The following THSD4 variants were observed in gnomAD, a reference collection of about 807,000 sequenced individuals.
THSD4 encodes the protein thrombospondin type-1 domain-containing protein 4.
THSD4 carries 69 observed loss-of-function variants against 119.0 expected under a neutral mutation model. That is an observed-to-expected ratio of 0.58 (90% CI 0.48 to 0.71). The LOEUF is 0.71. Among genes scored for constraint, THSD4 ranks in the 30% least tolerant of loss-of-function variants. THSD4 has a pLI of 0.00. For missense variants in THSD4, 1,393 were observed against 1,391.1 expected, an observed-to-expected ratio of 1.00 and a Z score of -0.02; for synonymous variants, 524 against 540.4, an observed-to-expected ratio of 0.97 and a Z score of 0.42.
At chr15:71,245,375 C>T (rs1197870048) in intron 5 of THSD4, among the ~76,000 whole-genome samples, 1 of 152,124 alleles carries the variant, frequency 6.6e-6, no homozygotes, top group Non-Finnish European at 1.5e-5. Flanking sequence ...TTGGGCCACA[C>T]CCCCATGATC....
chr15:71,199,671 GGAGGGTGT>G (rs1436616285), intron 3 of THSD4, among the ~76,000 whole-genome samples: 28 of 11,750 alleles, frequency 2.4e-3, no homozygotes, highest in South Asian at 0.013. Flanking sequence ...ATGCATGTGT[GGAGGGTGT>G]GTGTGTGTGT....
At chr15:71,410,632 G>A (rs573919699) in intron 6 of THSD4, among the ~76,000 whole-genome samples, 12 of 152,284 alleles carry the variant, frequency 7.9e-5, no homozygotes, top group Non-Finnish European at 1.3e-4. Flanking sequence ...AACCTAGAGT[G>A]ACAGAGAAGC....
chr15:71,216,793 G>C (rs1352711437), intron 4 of THSD4, among the ~76,000 whole-genome samples: 1 of 152,220 alleles, frequency 6.6e-6, no homozygotes, highest in Non-Finnish European at 1.5e-5. Flanking sequence ...TAATAGCATA[G>C]CTCCATAGTC....
At chr15:71,571,609 C>T (rs944792338) in intron 7 of THSD4, among the ~76,000 whole-genome samples, 10 of 152,174 alleles carry the variant, frequency 6.6e-5, no homozygotes, top group African/African-American at 2.4e-4. Flanking sequence ...CCCTAGAACA[C>T]ATTTTGAGTA....
At chr15:71,206,664 C>T (rs1567157192) in intron 3 of THSD4, among the ~76,000 whole-genome samples, 1 of 152,164 alleles carries the variant, frequency 6.6e-6, no homozygotes, top group Non-Finnish European at 1.5e-5. Flanking sequence ...CACATTAGTA[C>T]AGAAACCAAA....
chr15:71,386,067 C>T (rs756142535), intron 6 of THSD4, among the ~76,000 whole-genome samples: 5 of 152,136 alleles, frequency 3.3e-5, no homozygotes, highest in Non-Finnish European at 7.4e-5. Context: ...CTCATAGGCA[C>T]CAGTATTTCC....
intron 7 of THSD4, among the ~76,000 whole-genome samples, chr15:71,489,048 CA>C (rs1376109975): frequency 6.6e-6 from 1 of 152,180 alleles, no homozygotes; most frequent in South Asian, 2.1e-4. Context: ...CTTCTCCCAT[CA>C]CCTTTCTGTT....
At position 71,442,656 on chromosome 15, in the gene THSD4, GTGTGTATATATA is replaced by G. The variant is rs2047120449; in HGVS notation, c.1152+30835_1152+30846del. 2.9e-4 allele frequency among the ~76,000 whole-genome samples: 9 copies of G among 30,640 alleles called. 1 individual carries two copies. The highest frequency in any genetic ancestry group is 8.3e-4 in the African/African-American group (9 of 10,844). The allele number at this position is 30,640 out of a possible 152,430, so 20.1% of individuals were successfully genotyped here. On this transcript the variant is annotated intron_variant, in intron 7 of 17. Coordinates refer to ENST00000261862, the MANE Select transcript of THSD4 (RefSeq NM_024817.3). ...TATGTGTGTGTATATGTGTGTGTGT[GTGTGTATATATA>G]TATATATATATATATATATATATAT...
At chr15:71,638,920 C>G (rs2050802327) in intron 7 of THSD4, among the ~76,000 whole-genome samples, 1 of 152,142 alleles carries the variant, frequency 6.6e-6, no homozygotes, top group African/African-American at 2.4e-5. Context: ...CTCAGGGACC[C>G]AGGTTGTTGG....
chr15:71,377,914 A>ACACACACCCACACACCCACACACCT (rs57687864), intron 6 of THSD4, among the ~76,000 whole-genome samples: 2 of 146,148 alleles, frequency 1.4e-5, no homozygotes, highest in South Asian at 2.3e-4. Context: ...ACACACACAC[A>ACACACACCCACACACCCACACACCT]ATTTCCTTCA....
At chr15:71,520,063 G>A (rs974978854) in intron 7 of THSD4, among the ~76,000 whole-genome samples, 1 of 152,168 alleles carries the variant, frequency 6.6e-6, no homozygotes, top group Non-Finnish European at 1.5e-5. Flanking sequence ...AACTTGTTTA[G>A]TCCTCTTGGT....
chr15:71,218,074 C>T lies in THSD4; in HGVS notation c.464+2675C>T, dbSNP rs185469838. 4.0e-5 allele frequency among the ~76,000 whole-genome samples: 6 copies of T among 151,508 alleles called. No individual in the cohort carries two copies. The East Asian group carries it at 1.2e-3, about 30-fold the overall frequency. On this transcript the variant is annotated intron_variant, in intron 4 of 17. Coordinates refer to ENST00000261862, the MANE Select transcript of THSD4 (RefSeq NM_024817.3). ...GGCATGAGTCACCGTGCGTGGCCTC[C>T]CCAGGCACTGTTCTTATCACTTTAC...
intron 6 of THSD4, among the ~76,000 whole-genome samples, chr15:71,346,843 ACAT>A (rs2045667309): frequency 6.6e-6 from 1 of 150,790 alleles, no homozygotes; most frequent in Non-Finnish European, 1.5e-5. Context: ...ATTCCGAATA[ACAT>A]CATAAGTTTC....
chr15:71,572,800 C>T (rs1294801269), intron 7 of THSD4, among the ~76,000 whole-genome samples: 1 of 152,116 alleles, frequency 6.6e-6, no homozygotes, highest in Non-Finnish European at 1.5e-5. Context: ...AACAAAGTGA[C>T]ACACAGGAAG....
intron 6 of THSD4, among the ~76,000 whole-genome samples, chr15:71,361,023 G>C (rs2045886241): frequency 6.6e-6 from 1 of 152,184 alleles, no homozygotes. Flanking sequence ...ATACAGAGAA[G>C]AGTTATCTAG....
chr15:71,304,462 A>AT (rs2044995333), intron 6 of THSD4, among the ~76,000 whole-genome samples: 1 of 152,114 alleles, frequency 6.6e-6, no homozygotes, highest in Admixed American at 6.5e-5. Flanking sequence ...CAATGTAGTC[A>AT]TAATATATGG....
chr15:71,494,732 A>G (rs889387674), intron 7 of THSD4, among the ~76,000 whole-genome samples: 2 of 152,142 alleles, frequency 1.3e-5, no homozygotes, highest in Non-Finnish European at 2.9e-5. Flanking sequence ...GGGATGAATT[A>G]TTTTCGGCTC....
At chr15:71,209,520 C>T (rs780031343) in intron 3 of THSD4, among the ~76,000 whole-genome samples, 3 of 152,172 alleles carry the variant, frequency 2.0e-5, no homozygotes, top group Non-Finnish European at 4.4e-5. Flanking sequence ...TCTTCCCTTC[C>T]CTCAGTGGCA....
chr15:71,549,147 T>C (rs2140854991), intron 7 of THSD4, among the ~76,000 whole-genome samples: 1 of 152,354 alleles, frequency 6.6e-6, no homozygotes, highest in East Asian at 1.9e-4. Flanking sequence ...TTTCAGACAG[T>C]GCTCAGCGTT....
Sources: allele counts gnomAD v4.1 joint callset (sites outside exome capture counted in the v4.1 genomes callset), GRCh38; gene constraint gnomAD v4.1.1; transcripts MANE v1.5; gene names NCBI Gene and HGNC (gene_info 2026-07-23, HGNC 2026-07-21).